The following NXPH3 variants were observed in gnomAD, a reference collection of about 807,000 sequenced individuals.
NXPH3 encodes neurexophilin-3.
In NXPH3, 7 loss-of-function variants were observed where a neutral mutation model predicts 18.8. That is an observed-to-expected ratio of 0.37 (90% CI 0.21 to 0.70). The LOEUF is 0.70. Ranked by LOEUF, NXPH3 falls within the 30% of genes least tolerant of loss-of-function variation. The pLI is 0.53. For missense variants in NXPH3, 282 were observed against 338.1 expected (o/e 0.83, Z 1.30); for synonymous variants, 101 against 137.3 (o/e 0.74, Z 1.85).
Position 49,581,982 on chromosome 17 carries a change from G to C in NXPH3, c.*2682G>C. On this transcript the variant is annotated 3_prime_UTR_variant, in exon 2 of 2. Coordinates refer to ENST00000328741, the MANE Select transcript of NXPH3 (RefSeq NM_007225.4). ...TCATCCCTCCTTTCCACCTTCCCCA[G>C]TAGCCTGGCTGCTCTCCTCAGCTAG... 1 of 597,628 alleles carries C rather than the reference G, an allele frequency of 1.7e-6. No homozygotes were observed. Among genetic ancestry groups the C allele is most frequent in the South Asian group, 2.0e-5 (1 of 50,366 alleles). 37.0% of individuals were successfully genotyped at this position (597,628 alleles called of 1,614,324 possible). A position where few individuals can be genotyped will look rare whatever the true frequency, so the allele number is the denominator to read the frequency against.
chr17:49,576,241 T>A lies in NXPH3; in HGVS notation c.22T>A (p.Phe8Ile). 6.4e-7 allele frequency: 1 copy of A among 1,569,404 alleles called. No homozygotes were observed. The highest frequency in any genetic ancestry group is 8.6e-7 in the Non-Finnish European group (1 of 1,157,434). MQLTRCCFVFLVQGSLYL... is the reference protein window; with the variant it reads MQLTRCCIVFLVQGSLYL... ...GAAGATGCAACTGACTCGCTGCTGC[T>A]TCGTGTTCCTGGTGCAGGGTAGCCT... Residue 8 changes from phenylalanine (F) to isoleucine (I), a missense_variant, in exon 1 of 2, where the codon TTC (phenylalanine) becomes ATC (isoleucine). Transcript: ENST00000328741.
In NXPH3 at chr17:49,578,119, A is replaced by G. The variant is rs1210143639; in HGVS notation, c.55-477A>G. 6.6e-6 allele frequency among the ~76,000 whole-genome samples: 1 copy of G among 152,144 alleles called. No individual in the cohort carries two copies. The highest frequency in any genetic ancestry group is 6.5e-5 in the Admixed American group (1 of 15,276). On this transcript the variant is annotated intron_variant, in intron 1 of 1. Coordinates refer to ENST00000328741, the MANE Select transcript of NXPH3 (RefSeq NM_007225.4). The surrounding 1 kb of genome is among the most constrained non-coding windows in gnomAD (Gnocchi z 4.5). The stretch of plus-strand genomic sequence containing the variant: ...TCCCTGTCTGACTCGGGGCTGTTTC[A>G]GAGCAGAGATTATGCCTCCCCCATC...
Position 49,579,592 on chromosome 17 carries a change from G to T in NXPH3, c.*292G>T. On this transcript the variant is annotated 3_prime_UTR_variant, in exon 2 of 2. Coordinates refer to ENST00000328741, the MANE Select transcript of NXPH3 (RefSeq NM_007225.4). This position sits in a 1 kb window ranked among gnomAD's most constrained non-coding sequence, Gnocchi z 6.0. ...CCACGGAGCCACAGAGAGATGCTGG[G>T]TCCCCGAGGCCTGTGGGCAGGCCGA... The T allele has an allele frequency of 2.3e-6, 1 of 435,528 alleles. No homozygotes were observed. Among genetic ancestry groups the T allele is most frequent in the Non-Finnish European group, 4.2e-6 (1 of 240,456 alleles). The allele number at this position is 435,528 out of a possible 1,614,324, so 27.0% of individuals were successfully genotyped here.
rs1454473551 is a variant in NXPH3, at chr17:49,578,640, T to C, written c.99T>C (p.Pro33=). The part of the protein sequence containing the change: ...QDDGPPGSED[P]ERDDHEGQPR... ...ATGGTCCTCCCGGCTCAGAGGACCC[T>C]GAGCGTGATGACCACGAGGGCCAGC... The change falls in exon 2 of 2, where the codon CCT becomes CCC. Residue 33 remains proline (P), a synonymous_variant. Transcript: ENST00000328741. This position sits in a 1 kb window ranked among gnomAD's most constrained non-coding sequence, Gnocchi z 4.5. The C allele has an allele frequency of 1.9e-6, 3 of 1,598,064 alleles. No individual in the cohort carries two copies. Among genetic ancestry groups the C allele is most frequent in the South Asian group, 1.1e-5 (1 of 88,234 alleles).
intron 1 of NXPH3, 50 bp downstream of exon 1, chr17:49,576,323 G>A: frequency 4.5e-6 from 7 of 1,540,364 alleles, no homozygotes; most frequent in Non-Finnish European, 6.1e-6. Flanking sequence ...CCGGAGGATC[G>A]GGGGAGAGCG....
At position 49,579,582 on chromosome 17, in the gene NXPH3, G is replaced by C; in HGVS notation, c.*282G>C. On this transcript the variant is annotated 3_prime_UTR_variant, in exon 2 of 2. Transcript: ENST00000328741. The surrounding 1 kb of genome is among the most constrained non-coding windows in gnomAD (Gnocchi z 6.0). ...CAGGGCTTTGCCACGGAGCCACAGA[G>C]AGATGCTGGGTCCCCGAGGCCTGTG... The C allele has an allele frequency of 2.2e-6, 1 of 461,414 alleles. No individual in the cohort carries two copies. Among genetic ancestry groups the C allele is most frequent in the Non-Finnish European group, 3.9e-6 (1 of 256,176 alleles). The allele number at this position is 461,414 out of a possible 1,614,324, so 28.6% of individuals were successfully genotyped here.
rs975870068 is a variant in NXPH3 at position 49,581,258 on chromosome 17, C to T, written c.*1958C>T. 3.1e-6 allele frequency: 1 copy of T among 318,924 alleles called. No homozygotes were observed. Among genetic ancestry groups the T allele is most frequent in the Non-Finnish European group, 5.7e-6 (1 of 174,522 alleles). The allele number at this position is 318,924 out of a possible 1,614,324, so 19.8% of individuals were successfully genotyped here. A position where few individuals can be genotyped will look rare whatever the true frequency, so the allele number is the denominator to read the frequency against. ...GCACCTTGTCTGGGAGTTAGTTGGG[C>T]CCTTTGGGACTCTGTGAAGGGAAGA... On this transcript the variant is annotated 3_prime_UTR_variant, in exon 2 of 2. Transcript: ENST00000328741.
At position 49,578,292 on chromosome 17, in the gene NXPH3, T is replaced by C. The variant is rs1385919809; in HGVS notation, c.55-304T>C. The stretch of plus-strand genomic sequence containing the variant: ...CATCAGACTGGGGACTCCCTAGGGG[T>C]AGGAGCCGTTGTCCCTGGTGCCACA... On this transcript the variant is annotated intron_variant, in intron 1 of 1. Coordinates refer to ENST00000328741, the MANE Select transcript of NXPH3 (RefSeq NM_007225.4). The surrounding 1 kb of genome is among the most constrained non-coding windows in gnomAD (Gnocchi z 4.5). 3.3e-4 allele frequency among the ~76,000 whole-genome samples: 50 copies of C among 151,936 alleles called. No individual in the cohort carries two copies. The highest frequency in any genetic ancestry group is 1.2e-3 in the African/African-American group (49 of 41,410).
rs199974152 is a variant in NXPH3 at position 49,578,935 on chromosome 17, G to A, written c.394G>A (p.Val132Ile). 50 of 1,614,146 alleles carry A rather than the reference G, an allele frequency of 3.1e-5. No homozygotes were observed. The highest frequency in any genetic ancestry group is 1.1e-4 in the East Asian group (5 of 44,884). The change falls in exon 2 of 2, where the codon GTC becomes ATC. Residue 132 changes from valine to isoleucine, a missense_variant. Val to Ile is a conservative substitution (Grantham distance 29, BLOSUM62 3). Coordinates refer to ENST00000328741, the MANE Select transcript of NXPH3 (RefSeq NM_007225.4). This position sits in a 1 kb window ranked among gnomAD's most constrained non-coding sequence, Gnocchi z 4.5. The part of the protein sequence containing the change: ...IVDHGNGTFS[V>I]HFQHNATGQG... ...GGACCATGGCAATGGGACCTTCAGC[G>A]TCCACTTCCAACACAATGCCACAGG...
At position 49,579,094 on chromosome 17, in the gene NXPH3, G is replaced by A. The variant is rs1310284514; in HGVS notation, c.553G>A (p.Gly185Ser). The change falls in exon 2 of 2, where the codon GGC (glycine) becomes AGC (serine). Residue 185 changes from glycine to serine, a missense_variant. Physicochemically the swap from Gly to Ser is moderately conservative, Grantham distance 56 (BLOSUM62 0). Transcript: ENST00000328741. The surrounding 1 kb of genome is among the most constrained non-coding windows in gnomAD (Gnocchi z 6.0). Reference protein sequence around the residue: ...CRMEWEKVERGRRTSLCTHDP... With the variant: ...CRMEWEKVERSRRTSLCTHDP... ...GATGGAGTGGGAGAAGGTAGAACGG[G>A]GCCGCCGGACCTCGCTTTGCACCCA... 4 of 1,613,960 alleles carry A rather than the reference G, an allele frequency of 2.5e-6. No homozygotes were observed. The highest frequency in any genetic ancestry group is 2.2e-5 in the South Asian group (2 of 91,078).
rs1369850790 is a variant in NXPH3, at chr17:49,581,717, A to G, written c.*2417A>G. On this transcript the variant is annotated 3_prime_UTR_variant, in exon 2 of 2. Transcript: ENST00000328741. ...TTCAGCCTCCCACAGTGCTGTGGAGACTGCAGGAAGGAGGAGGAAGCAATG... is the reference window on the plus strand; with the variant it reads ...TTCAGCCTCCCACAGTGCTGTGGAGGCTGCAGGAAGGAGGAGGAAGCAATG... 1.4e-6 allele frequency: 1 copy of G among 702,472 alleles called. No individual in the cohort carries two copies. Among genetic ancestry groups the G allele is most frequent in the Non-Finnish European group, 2.6e-6 (1 of 384,950 alleles). The allele number at this position is 702,472 out of a possible 1,614,324, so 43.5% of individuals were successfully genotyped here. A position where few individuals can be genotyped will look rare whatever the true frequency, so the allele number is the denominator to read the frequency against.
chr17:49,581,202 TA>T lies in NXPH3; in HGVS notation c.*1904del. 1 of 230,068 alleles carries T rather than the reference TA, an allele frequency of 4.3e-6. No homozygotes were observed. The highest frequency in any genetic ancestry group is 2.3e-5 in the African/African-American group (1 of 44,348). 14.3% of individuals were successfully genotyped at this position (230,068 alleles called of 1,614,324 possible). ...TCAGTCACTCCCCTCCTGCAGCTAG[TA>T]AGAGGCCTCAGAATGGCCAGCTGCC... On this transcript the variant is annotated 3_prime_UTR_variant, in exon 2 of 2. Transcript: ENST00000328741.
At chr17:49,577,204 G>T (rs184933110) in intron 1 of NXPH3, among the ~76,000 whole-genome samples, 34 of 152,180 alleles carry the variant, frequency 2.2e-4, no homozygotes, top group Non-Finnish European at 1.3e-4. Flanking sequence ...CGTCCTAGCC[G>T]TCCCTCTACC....
At position 49,582,046 on chromosome 17, in the gene NXPH3, T is replaced by C. The variant is rs2071603407; in HGVS notation, c.*2746T>C. 1.7e-6 allele frequency: 1 copy of C among 588,216 alleles called. No individual in the cohort carries two copies. The highest frequency in any genetic ancestry group is 1.9e-5 in the African/African-American group (1 of 53,760). 36.4% of individuals were successfully genotyped at this position (588,216 alleles called of 1,614,324 possible). A position where few individuals can be genotyped will look rare whatever the true frequency, so the allele number is the denominator to read the frequency against. On this transcript the variant is annotated 3_prime_UTR_variant, in exon 2 of 2. Coordinates refer to ENST00000328741, the MANE Select transcript of NXPH3 (RefSeq NM_007225.4). ...GATTTCCTCCCAAACCTTAATTCTT[T>C]GGAATAGCCCTCTGGTCCCTACTGT...
chr17:49,582,145 A>C lies in NXPH3; in HGVS notation c.*2845A>C. The C allele has an allele frequency of 2.0e-6, 1 of 497,296 alleles. No individual in the cohort carries two copies. The highest frequency in any genetic ancestry group is 3.5e-6 in the Non-Finnish European group (1 of 284,006). 30.8% of individuals were successfully genotyped at this position (497,296 alleles called of 1,614,324 possible). On this transcript the variant is annotated 3_prime_UTR_variant, in exon 2 of 2. Transcript: ENST00000328741. ...TCCATCCAACTTCCTCTGGCTAAGA[A>C]GACGTCACCTCTGCCCCATTGGCGA...
In NXPH3 at chr17:49,576,223, C is replaced by T; in HGVS notation, c.4C>T (p.Gln2Ter). 1 of 1,567,406 alleles carries T rather than the reference C, an allele frequency of 6.4e-7. No individual in the cohort carries two copies. The part of the protein sequence containing the change: M[Q>*]LTRCCFVFLV... ...GGGACGAGAGCGGAGGAGGAAGATG[C>T]AACTGACTCGCTGCTGCTTCGTGTT... Residue 2 changes from glutamine to a stop codon, truncating the protein, a stop_gained, in exon 1 of 2, where the codon CAA (glutamine) becomes TAA (stop). Transcript: ENST00000328741. LOFTEE classifies it high-confidence loss of function.
rs148077164 is a variant in NXPH3 at position 49,578,277 on chromosome 17, G to A, written c.55-319G>A. ...AAGCTGGGCTTCCCCCATCAGACTG[G>A]GGACTCCCTAGGGGTAGGAGCCGTT... On this transcript the variant is annotated intron_variant, in intron 1 of 1. Transcript: ENST00000328741. The surrounding 1 kb of genome is among the most constrained non-coding windows in gnomAD (Gnocchi z 4.5). 2.0e-5 allele frequency among the ~76,000 whole-genome samples: 3 copies of A among 152,246 alleles called. No homozygotes were observed. The highest frequency in any genetic ancestry group is 2.1e-4 in the South Asian group (1 of 4,822).
Position 49,578,136 on chromosome 17 carries a change from T to TC in NXPH3, c.55-455dup, listed in dbSNP as rs1292446055. On this transcript the variant is annotated intron_variant, in intron 1 of 1. Coordinates refer to ENST00000328741, the MANE Select transcript of NXPH3 (RefSeq NM_007225.4). This position sits in a 1 kb window ranked among gnomAD's most constrained non-coding sequence, Gnocchi z 4.5. ...GCTGTTTCAGAGCAGAGATTATGCC[T>TC]CCCCCATCAGCCTGGGGATTTCACA... 6.6e-6 allele frequency among the ~76,000 whole-genome samples: 1 copy of TC among 152,058 alleles called. No individual in the cohort carries two copies. Among genetic ancestry groups the TC allele is most frequent in the Non-Finnish European group, 1.5e-5 (1 of 67,998 alleles).
In NXPH3 at chr17:49,578,990, C is replaced by A. The variant is rs1214834027; in HGVS notation, c.449C>A (p.Pro150His). 1.2e-6 allele frequency: 2 copies of A among 1,614,076 alleles called. No individual in the cohort carries two copies. Among genetic ancestry groups the A allele is most frequent in the African/African-American group, 2.7e-5 (2 of 74,920 alleles). ...GQGNISISLV[P>H]PSKAVEFHQE... Reference sequence around the variant, plus strand: ...GGAAACATCTCCATCAGCCTCGTGCCCCCCAGTAAAGCTGTAGAGTTCCAC... The same window carrying A: ...GGAAACATCTCCATCAGCCTCGTGCACCCCAGTAAAGCTGTAGAGTTCCAC... The change falls in exon 2 of 2, where the codon CCC (proline) becomes CAC (histidine). Residue 150 changes from proline (P) to histidine (H), a missense_variant. By Grantham distance (77) the Pro-to-His change is moderately conservative. Coordinates refer to ENST00000328741, the MANE Select transcript of NXPH3 (RefSeq NM_007225.4). This position sits in a 1 kb window ranked among gnomAD's most constrained non-coding sequence, Gnocchi z 4.5.
Sources: allele counts gnomAD v4.1 joint callset (sites outside exome capture counted in the v4.1 genomes callset), GRCh38; gene constraint gnomAD v4.1.1; non-coding constraint Gnocchi (gnomAD v3.1); transcripts MANE v1.5; gene names NCBI Gene and HGNC (gene_info 2026-07-23, HGNC 2026-07-21).